The following KCNQ3 variants were observed in gnomAD, a reference collection of about 807,000 sequenced individuals.
KCNQ3 encodes the protein potassium voltage-gated channel subfamily KQT member 3.
A neutral mutation model predicts 92.5 loss-of-function variants in KCNQ3; 30 were observed. That is an observed-to-expected ratio of 0.32 (90% CI 0.24 to 0.44). The LOEUF (loss-of-function observed/expected upper bound fraction) is 0.44. Among genes scored for constraint, KCNQ3 ranks in the 20% least tolerant of loss-of-function variants. The probability of loss-of-function intolerance (pLI) is 1.00; values close to 1 mark genes in which losing one functional copy is unlikely to be tolerated. For missense variants in KCNQ3, 913 were observed against 1,140.3 expected (o/e 0.80, Z 2.87); for synonymous variants, 450 against 468.8 (o/e 0.96, Z 0.52).
chr8:132,281,514 T>C (rs1007128922), intron 1 of KCNQ3, among the ~76,000 whole-genome samples: 1 of 134,226 alleles, frequency 7.5e-6, no homozygotes, highest in Non-Finnish European at 1.6e-5. Flanking sequence ...TGCATATATA[T>C]GGAATCTGTG....
chr8:132,354,635 T>C (rs953793891), intron 1 of KCNQ3, among the ~76,000 whole-genome samples: 6 of 152,202 alleles, frequency 3.9e-5, no homozygotes, highest in African/African-American at 1.2e-4. Flanking sequence ...CCCATATCCA[T>C]ACTTCCATGG....
chr8:132,375,536 G>A (rs1401433348), intron 1 of KCNQ3, among the ~76,000 whole-genome samples: 1 of 152,138 alleles, frequency 6.6e-6, no homozygotes, highest in Non-Finnish European at 1.5e-5. Flanking sequence ...AAATAGCTTT[G>A]ACTTCTCAGA....
In KCNQ3 at chr8:132,125,746, A is replaced by G. The variant is rs1213993581; in HGVS notation, c.*3516T>C. ...TTGATTAATTAGTTCATTTTAACCT[A>G]TACACCTTGGGGTTATCTAGTTATG... On this transcript the variant is annotated 3_prime_UTR_variant, in exon 15 of 15. Coordinates refer to ENST00000388996, the MANE Select transcript of KCNQ3 (RefSeq NM_004519.4). 1 of 152,322 alleles carries G rather than the reference A, an allele frequency of 6.6e-6. No homozygotes were observed. The allele number at this position is 152,322 out of a possible 1,614,324, so 9.4% of individuals were successfully genotyped here. A position where few individuals can be genotyped will look rare whatever the true frequency, so the allele number is the denominator to read the frequency against.
At chr8:132,229,792 C>T (rs770123652) in intron 1 of KCNQ3, among the ~76,000 whole-genome samples, 21 of 152,132 alleles carry the variant, frequency 1.4e-4, no homozygotes, top group African/African-American at 2.7e-4. Context: ...GGAGCAACTA[C>T]AGCATCCCCA....
chr8:132,122,143 G>A lies in KCNQ3; in HGVS notation c.*7119C>T, dbSNP rs2436126. 0.21 allele frequency: 31,398 copies of A among 152,168 alleles called. 3,750 individuals are homozygous for A. Among genetic ancestry groups the A allele is most frequent in the Middle Eastern group, 0.31 (90 of 294 alleles). The allele number at this position is 152,168 out of a possible 1,614,324, so 9.4% of individuals were successfully genotyped here. A position where few individuals can be genotyped will look rare whatever the true frequency, so the allele number is the denominator to read the frequency against. On this transcript the variant is annotated 3_prime_UTR_variant, in exon 15 of 15. Transcript: ENST00000388996. The stretch of plus-strand genomic sequence containing the variant: ...CTTTCCAGGTACACGGGCTTTGGTT[G>A]AATATGCAGCTCTACTTCTTACAAT...
chr8:132,187,113 G>C (rs573520930), intron 1 of KCNQ3: 1 of 451,812 alleles, frequency 2.2e-6, no homozygotes, highest in Non-Finnish European at 4.5e-6. Flanking sequence ...TTATAAGCTA[G>C]GGTTTATGGG....
intron 1 of KCNQ3, among the ~76,000 whole-genome samples, chr8:132,374,213 T>C (rs916522123): frequency 6.6e-6 from 1 of 152,166 alleles, no homozygotes. Context: ...ACTTGACCTC[T>C]CTGACCCTGT....
intron 1 of KCNQ3, among the ~76,000 whole-genome samples, chr8:132,405,826 TGGA>T (rs1234025580): frequency 1.3e-5 from 2 of 151,976 alleles, no homozygotes; most frequent in African/African-American, 4.8e-5. Flanking sequence ...GCAACAAAGA[TGGA>T]GGAGGAGAAT....
chr8:132,136,352 G>A (rs1825092966), intron 12 of KCNQ3, among the ~76,000 whole-genome samples: 1 of 151,958 alleles, frequency 6.6e-6, no homozygotes, highest in Non-Finnish European at 1.5e-5. Flanking sequence ...ATAGGATTTT[G>A]GTTTCCTGAC....
chr8:132,358,128 G>A (rs1325135741), intron 1 of KCNQ3, among the ~76,000 whole-genome samples: 1 of 152,160 alleles, frequency 6.6e-6, no homozygotes, highest in Non-Finnish European at 1.5e-5. Flanking sequence ...TAACTTCAGG[G>A]CCATCCATAA....
At chr8:132,457,779 T>A (rs983644157) in intron 1 of KCNQ3, among the ~76,000 whole-genome samples, 3 of 152,198 alleles carry the variant, frequency 2.0e-5, no homozygotes, top group Non-Finnish European at 4.4e-5. Flanking sequence ...TGAACAACCA[T>A]TCTGCTATCC....
intron 1 of KCNQ3, among the ~76,000 whole-genome samples, chr8:132,409,880 T>C (rs541735530): frequency 6.6e-6 from 1 of 152,366 alleles, no homozygotes; most frequent in Non-Finnish European, 1.5e-5. Context: ...TCCTTGGTCA[T>C]GATTATAAGG....
At chr8:132,136,256 GACA>G (rs1825089001) in intron 12 of KCNQ3, among the ~76,000 whole-genome samples, 1 of 151,938 alleles carries the variant, frequency 6.6e-6, no homozygotes, top group Non-Finnish European at 1.5e-5. Flanking sequence ...ACTCCAGTGG[GACA>G]ACATCACTCG....
At chr8:132,367,703 A>G (rs1226211233) in intron 1 of KCNQ3, among the ~76,000 whole-genome samples, 1 of 152,336 alleles carries the variant, frequency 6.6e-6, no homozygotes, top group East Asian at 1.9e-4. Context: ...GAGTTTCACA[A>G]GTCCTTCTGG....
At chr8:132,368,974 T>C (rs1313291808) in intron 1 of KCNQ3, among the ~76,000 whole-genome samples, 1 of 152,228 alleles carries the variant, frequency 6.6e-6, no homozygotes, top group Non-Finnish European at 1.5e-5. Flanking sequence ...TTATGTTCAT[T>C]AGGCTTCTCT....
rs1824504476 is a variant in KCNQ3, at chr8:132,122,386, TGG to T, written c.*6874_*6875del. The stretch of plus-strand genomic sequence containing the variant: ...GAGAAGGGAACATTAACATAAAATA[TGG>T]TCTCATTTTTTATTACTCTTAGGTA... On this transcript the variant is annotated 3_prime_UTR_variant, in exon 15 of 15. Transcript: ENST00000388996. The T allele has an allele frequency of 6.6e-6, 1 of 152,220 alleles. No homozygotes were observed. The highest frequency in any genetic ancestry group is 6.5e-5 in the Admixed American group (1 of 15,286). 9.4% of individuals were successfully genotyped at this position (152,220 alleles called of 1,614,324 possible).
At chr8:132,435,904 C>CA (rs1209682982) in intron 1 of KCNQ3, among the ~76,000 whole-genome samples, 1 of 152,154 alleles carries the variant, frequency 6.6e-6, no homozygotes, top group Non-Finnish European at 1.5e-5. Context: ...TTTGGCATTG[C>CA]AGCCAAGTTT....
intron 1 of KCNQ3, among the ~76,000 whole-genome samples, chr8:132,465,612 C>G (rs1822154256): frequency 1.3e-5 from 2 of 152,078 alleles, no homozygotes; most frequent in Admixed American, 6.5e-5. Context: ...GGTGTGGTGG[C>G]AGGCGCCTGT....
intron 1 of KCNQ3, among the ~76,000 whole-genome samples, chr8:132,189,903 A>G (rs1301589469): frequency 6.7e-5 from 10 of 148,948 alleles, no homozygotes; most frequent in Non-Finnish European, 1.2e-4. Flanking sequence ...AAAAAAAAAA[A>G]AAAAAGAGAG....
Sources: allele counts gnomAD v4.1 joint callset (sites outside exome capture counted in the v4.1 genomes callset), GRCh38; gene constraint gnomAD v4.1.1; transcripts MANE v1.5; gene names NCBI Gene and HGNC (gene_info 2026-07-23, HGNC 2026-07-21).